ZNF385D: variants seen among roughly 807,000 people sequenced by gnomAD.
The protein encoded by ZNF385D is zinc finger protein 385D.
A neutral mutation model predicts 35.8 loss-of-function variants in ZNF385D; 15 were observed. The ratio of observed to expected loss-of-function variants is 0.42; its 90% CI spans 0.28 to 0.64. The LOEUF is 0.64. Among genes scored for constraint, ZNF385D ranks in the 30% least tolerant of loss-of-function variants. ZNF385D has a pLI of 0.23. For synonymous variants in ZNF385D, 212 were observed against 186.8 expected, an observed-to-expected ratio of 1.13 and a Z score of -1.10; for missense variants, 474 against 494.6, an observed-to-expected ratio of 0.96 and a Z score of 0.39.
intron 2 of ZNF385D, among the ~76,000 whole-genome samples, chr3:22,262,484 T>G (rs1441615096): frequency 2.0e-5 from 3 of 151,938 alleles, no homozygotes; most frequent in Non-Finnish European, 2.9e-5. Flanking sequence ...AGAGAAAAAA[T>G]AGACACAAGT....
intron 3 of ZNF385D, among the ~76,000 whole-genome samples, chr3:21,527,815 C>T (rs1038892785): frequency 6.6e-6 from 1 of 152,052 alleles, no homozygotes; most frequent in Non-Finnish European, 1.5e-5. Context: ...TTTGTCATCG[C>T]AGCTTTGTGT....
chr3:21,994,340 A>T (rs927596653), intron 3 of ZNF385D, among the ~76,000 whole-genome samples: 1 of 152,196 alleles, frequency 6.6e-6, no homozygotes, highest in Non-Finnish European at 1.5e-5. Flanking sequence ...TATCTATTGT[A>T]CTTGTTAATT....
intron 3 of ZNF385D, among the ~76,000 whole-genome samples, chr3:22,082,591 G>T (rs1185998518): frequency 6.6e-6 from 1 of 152,200 alleles, no homozygotes; most frequent in East Asian, 1.9e-4. Context: ...AAGGAGGCCT[G>T]CCTGCCTCTG....
intron 3 of ZNF385D, among the ~76,000 whole-genome samples, chr3:21,765,681 A>G (rs559386961): frequency 2.6e-5 from 4 of 152,026 alleles, no homozygotes; most frequent in Admixed American, 2.0e-4. Context: ...AGAGATACAT[A>G]TAAGTGCGTG....
At chr3:21,780,535 T>G (rs2071449380) in intron 3 of ZNF385D, among the ~76,000 whole-genome samples, 1 of 152,006 alleles carries the variant, frequency 6.6e-6, no homozygotes. Context: ...ATTTTCTTTC[T>G]TAATTTTCAG....
intron 3 of ZNF385D, among the ~76,000 whole-genome samples, chr3:21,854,436 C>T (rs1334675233): frequency 6.6e-6 from 1 of 151,880 alleles, no homozygotes; most frequent in South Asian, 2.1e-4. Flanking sequence ...TAATTCTTTG[C>T]CGGATTAGCT....
At chr3:22,169,591 A>G (rs536194159) in intron 2 of ZNF385D, among the ~76,000 whole-genome samples, 1 of 152,216 alleles carries the variant, frequency 6.6e-6, no homozygotes, top group South Asian at 2.1e-4. Context: ...CACTCTTTCA[A>G]TACCCCAAAT....
intron 3 of ZNF385D, among the ~76,000 whole-genome samples, chr3:21,960,690 A>G (rs574906185): frequency 6.6e-6 from 1 of 152,124 alleles, no homozygotes; most frequent in Non-Finnish European, 1.5e-5. Flanking sequence ...TAACCTAAAT[A>G]TTAATCAACA....
chr3:21,847,020 A>G (rs949703600), intron 3 of ZNF385D, among the ~76,000 whole-genome samples: 2 of 152,066 alleles, frequency 1.3e-5, no homozygotes, highest in African/African-American at 2.4e-5. Flanking sequence ...TCAAGCCCCA[A>G]CCAGGTACTT....
intron 3 of ZNF385D, among the ~76,000 whole-genome samples, chr3:22,111,849 C>G (rs1029973618): frequency 2.0e-5 from 3 of 152,088 alleles, no homozygotes; most frequent in African/African-American, 7.2e-5. Context: ...TTATAAAGCA[C>G]AGAGAGCTGG....
intron 4 of ZNF385D, among the ~76,000 whole-genome samples, chr3:21,440,539 G>A (rs997910936): frequency 2.0e-5 from 3 of 152,000 alleles, no homozygotes; most frequent in Non-Finnish European, 4.4e-5. Flanking sequence ...TAGGGCAAAA[G>A]AACATTAGGT....
intron 3 of ZNF385D, among the ~76,000 whole-genome samples, chr3:21,928,334 G>A (rs1168184030): frequency 1.4e-5 from 2 of 147,518 alleles, no homozygotes; most frequent in South Asian, 2.2e-4. Context: ...GAAGGAAGGA[G>A]GGAGGGAGGG....
intron 3 of ZNF385D, among the ~76,000 whole-genome samples, chr3:22,045,842 G>C (rs74805698): frequency 1.9e-3 from 288 of 152,094 alleles, no homozygotes; most frequent in African/African-American, 6.7e-3. Context: ...CTGCCCTTGA[G>C]AAGTAAAACT....
intron 2 of ZNF385D, among the ~76,000 whole-genome samples, chr3:22,303,292 T>C (rs1231990056): frequency 6.6e-6 from 1 of 152,168 alleles, no homozygotes; most frequent in African/African-American, 2.4e-5. Context: ...TCAATGAGAT[T>C]TCCCATCTTG....
At chr3:21,640,136 C>G (rs986407150) in intron 2 of ZNF385D, among the ~76,000 whole-genome samples, 1 of 152,078 alleles carries the variant, frequency 6.6e-6, no homozygotes, top group Non-Finnish European at 1.5e-5. Context: ...AATAAAGAAG[C>G]CTGGACTCCA....
intron 2 of ZNF385D, among the ~76,000 whole-genome samples, chr3:22,234,092 T>C (rs1260977373): frequency 2.6e-5 from 4 of 152,132 alleles, no homozygotes; most frequent in Non-Finnish European, 5.9e-5. Context: ...TTCAAAACAA[T>C]TTTATCTTCA....
At chr3:21,545,279 G>C (rs2062332788) in intron 3 of ZNF385D, among the ~76,000 whole-genome samples, 1 of 152,114 alleles carries the variant, frequency 6.6e-6, no homozygotes, top group African/African-American at 2.4e-5. Context: ...GATAACTTTA[G>C]AGATTGTAAC....
intron 2 of ZNF385D, among the ~76,000 whole-genome samples, chr3:22,205,039 G>C (rs965432414): frequency 2.1e-5 from 3 of 144,182 alleles, no homozygotes; most frequent in Non-Finnish European, 3.0e-5. Context: ...ACACCAAGCA[G>C]ATTTAACCCA....
intron 3 of ZNF385D, among the ~76,000 whole-genome samples, chr3:22,096,354 T>A (rs1701631542): frequency 7.5e-6 from 1 of 133,356 alleles, no homozygotes; most frequent in Non-Finnish European, 1.7e-5. Context: ...AAATACAAAT[T>A]TTTTTAAAAG....
Sources: allele counts gnomAD v4.1 joint callset (sites outside exome capture counted in the v4.1 genomes callset), GRCh38; gene constraint gnomAD v4.1.1; transcripts MANE v1.5; gene names NCBI Gene and HGNC (gene_info 2026-07-23, HGNC 2026-07-21).